The following FANCM variants were observed in gnomAD, a reference collection of about 807,000 sequenced individuals.
The protein encoded by FANCM is FA complementation group M.
In FANCM, 140 loss-of-function variants were observed where a neutral mutation model predicts 199.5. That is an observed-to-expected ratio of 0.70 (90% CI 0.61 to 0.81). The LOEUF (loss-of-function observed/expected upper bound fraction) is 0.81. FANCM is among the 30% of genes least tolerant of loss of function. The pLI is 0.00. For synonymous variants in FANCM, 840 were observed against 836.8 expected, an observed-to-expected ratio of 1.00 and a Z score of -0.07; for missense variants, 2,410 against 2,421.4, an observed-to-expected ratio of 1.00 and a Z score of 0.10.
chr14:45,189,452 T>A, intron 20 of FANCM, 90 bp downstream of exon 20: 1 of 1,046,000 alleles, frequency 9.6e-7, no homozygotes, highest in South Asian at 1.4e-5. Context: ...ATTAAATAAC[T>A]AGGTCAAAGA....
rs1354444825 is a variant in FANCM at position 45,154,062 on chromosome 14, A to G, written c.1183+10A>G. 1.3e-6 allele frequency: 2 copies of G among 1,516,440 alleles called. No homozygotes were observed. Among genetic ancestry groups the G allele is most frequent in the Non-Finnish European group, 1.8e-6 (2 of 1,091,580 alleles). The allele number at this position is 1,516,440 out of a possible 1,614,324, so 93.9% of individuals were successfully genotyped here. Reference sequence around the variant, plus strand: ...ATGGATGGAACTAAAGGTAAATTATATCAAATTATTTAAAGAAATAATGAC... The same window carrying G: ...ATGGATGGAACTAAAGGTAAATTATGTCAAATTATTTAAAGAAATAATGAC... On this transcript the variant is annotated intron_variant, in intron 6 of 22. Coordinates refer to ENST00000267430, the MANE Select transcript of FANCM (RefSeq NM_020937.4).
At chr14:45,194,593 G>C (rs189459176) in intron 20 of FANCM, among the ~76,000 whole-genome samples, 49 of 152,140 alleles carry the variant, frequency 3.2e-4, no homozygotes, top group Admixed American at 7.8e-4. Flanking sequence ...TTGTGCAGCT[G>C]CATACACCAT....
chr14:45,171,782 A>G (rs1047471589), intron 12 of FANCM, among the ~76,000 whole-genome samples: 1 of 151,792 alleles, frequency 6.6e-6, no homozygotes, highest in Non-Finnish European at 1.5e-5. Flanking sequence ...GGCTGGCTTC[A>G]TATTTTTGCA....
At chr14:45,167,353 G>A in intron 11 of FANCM, 190 bp downstream of exon 11, 1 of 566,706 alleles carries the variant, frequency 1.8e-6, no homozygotes, top group Non-Finnish European at 3.1e-6. Flanking sequence ...AGTATAGAGT[G>A]ACAGAAACTC....
In FANCM at chr14:45,159,208, T is replaced by G. The variant is rs764033368; in HGVS notation, c.1509T>G (p.Ile503Met). 18 of 1,613,798 alleles carry G rather than the reference T, an allele frequency of 1.1e-5. No homozygotes were observed. The East Asian group carries it at 4.0e-4, about 36-fold the overall frequency. Residue 503 changes from isoleucine (I) to methionine (M), a missense_variant, in exon 9 of 23, where the codon ATT (isoleucine) becomes ATG (methionine). Physicochemically the swap from Ile to Met is conservative, Grantham distance 10. Coordinates refer to ENST00000267430, the MANE Select transcript of FANCM (RefSeq NM_020937.4). ...AEMLSQHQPI[I>M]RVMTFVGHAS... ...TGCTTTCACAGCATCAGCCAATTATTAGAGTAATGACTTTTGTCGGCCATG... is the reference window on the plus strand; with the variant it reads ...TGCTTTCACAGCATCAGCCAATTATGAGAGTAATGACTTTTGTCGGCCATG...
chr14:45,195,492 T>C, intron 20 of FANCM: 1 of 455,670 alleles, frequency 2.2e-6, no homozygotes, highest in Non-Finnish European at 4.4e-6. Flanking sequence ...GGTTCGGACA[T>C]CTAGCACTAA....
chr14:45,137,542 C>A, intron 2 of FANCM: 1 of 372,676 alleles, frequency 2.7e-6, no homozygotes, highest in Non-Finnish European at 5.0e-6. Context: ...GGACAGTGAT[C>A]TAAAATAGGG....
At chr14:45,194,108 C>A (rs1484616961) in intron 20 of FANCM, among the ~76,000 whole-genome samples, 3 of 152,014 alleles carry the variant, frequency 2.0e-5, no homozygotes, top group Non-Finnish European at 2.9e-5. Context: ...TCAAGACCAG[C>A]CTGGCCAACA....
intron 3 of FANCM, among the ~76,000 whole-genome samples, chr14:45,141,398 C>G (rs1885931097): frequency 6.6e-6 from 1 of 150,990 alleles, no homozygotes; most frequent in Non-Finnish European, 1.5e-5. Context: ...TGGTATTTAT[C>G]TAGTTTAACA....
intron 11 of FANCM, among the ~76,000 whole-genome samples, chr14:45,169,265 G>C (rs542070747): frequency 1.3e-5 from 2 of 151,890 alleles, no homozygotes; most frequent in Admixed American, 1.3e-4. Flanking sequence ...TGCCTATTTC[G>C]AAATCTTAGA....
intron 2 of FANCM, among the ~76,000 whole-genome samples, chr14:45,138,472 T>C (rs557674876): frequency 2.0e-5 from 3 of 152,288 alleles, no homozygotes; most frequent in African/African-American, 4.8e-5. Flanking sequence ...TTTCCACTTA[T>C]TGATATCATT....
intron 3 of FANCM, among the ~76,000 whole-genome samples, chr14:45,142,792 G>C (rs1168887341): frequency 6.6e-6 from 1 of 152,100 alleles, no homozygotes; most frequent in African/African-American, 2.4e-5. Context: ...TCAGGGAATA[G>C]ATGATGTTGC....
chr14:45,170,821 T>C, intron 12 of FANCM, 75 bp downstream of exon 12: 1 of 1,231,154 alleles, frequency 8.1e-7, no homozygotes, highest in South Asian at 1.2e-5. Flanking sequence ...ATGTTCTTTA[T>C]AATGATCAAG....
intron 5 of FANCM, among the ~76,000 whole-genome samples, chr14:45,152,723 G>A (rs1239716043): frequency 6.6e-6 from 1 of 152,196 alleles, no homozygotes. Context: ...AATATAGGTT[G>A]TACTACATGA....
At chr14:45,198,101 T>C (rs1174360266) in intron 21 of FANCM, among the ~76,000 whole-genome samples, 1 of 152,014 alleles carries the variant, frequency 6.6e-6, no homozygotes, top group Non-Finnish European at 1.5e-5. Flanking sequence ...GGAAATAGAT[T>C]TGGAATAGAC....
intron 8 of FANCM, among the ~76,000 whole-genome samples, 174 bp from the exon 9 acceptor site, chr14:45,158,922 T>G (rs1173560830): frequency 6.6e-6 from 1 of 152,188 alleles, no homozygotes; most frequent in African/African-American, 2.4e-5. Context: ...TTTCCCCATC[T>G]CAGCCTCCCA....
In FANCM at chr14:45,175,745, T is replaced by G. The variant is rs769347291; in HGVS notation, c.2991T>G (p.Ser997=). ...LANVERFLSY[S]PPPLSGLSDL... Reference sequence around the variant, plus strand: ...ATGTAGAGAGATTTTTATCTTATTCTCCTCCGCCTCTCAGTGGACTCTCAG... The same window carrying G: ...ATGTAGAGAGATTTTTATCTTATTCGCCTCCGCCTCTCAGTGGACTCTCAG... Residue 997 remains serine, a synonymous_variant, in exon 14 of 23, where the codon TCT becomes TCG. Coordinates refer to ENST00000267430, the MANE Select transcript of FANCM (RefSeq NM_020937.4). The G allele has an allele frequency of 3.1e-6, 5 of 1,613,680 alleles. No homozygotes were observed. Among genetic ancestry groups the G allele is most frequent in the Admixed American group, 3.3e-5 (2 of 59,992 alleles).
chr14:45,173,338 A>G (rs1594795406), intron 13 of FANCM, 128 bp downstream of exon 13: 1 of 814,402 alleles, frequency 1.2e-6, no homozygotes, highest in East Asian at 2.6e-5. Flanking sequence ...TGATCTCAGT[A>G]AAGAATGAGT....
Position 45,153,980 on chromosome 14 carries a change from T to C in FANCM, c.1111T>C (p.Tyr371His). The change falls in exon 6 of 23, where the codon TAT (tyrosine) becomes CAT (histidine). Residue 371 changes from tyrosine (Y) to histidine (H), a missense_variant. Coordinates refer to ENST00000267430, the MANE Select transcript of FANCM (RefSeq NM_020937.4). Reference sequence around the variant, plus strand: ...TATTTGTATTAGTTTATATCATGGTTATGAATTATTGCAGCAAATGGGAAT... The same window carrying C: ...TATTTGTATTAGTTTATATCATGGTCATGAATTATTGCAGCAAATGGGAAT... ...FAICISLYHG[Y>H]ELLQQMGMRS... 6.3e-7 allele frequency: 1 copy of C among 1,597,274 alleles called. No individual in the cohort carries two copies. Among genetic ancestry groups the C allele is most frequent in the Non-Finnish European group, 8.6e-7 (1 of 1,164,732 alleles).
Sources: allele counts gnomAD v4.1 joint callset (sites outside exome capture counted in the v4.1 genomes callset), GRCh38; gene constraint gnomAD v4.1.1; transcripts MANE v1.5; gene names NCBI Gene and HGNC (gene_info 2026-07-23, HGNC 2026-07-21).